The following STXBP5L variants were observed in gnomAD, a reference collection of about 807,000 sequenced individuals.
STXBP5L encodes the protein syntaxin binding protein 5L.
In STXBP5L, 65 loss-of-function variants were observed where a neutral mutation model predicts 144.5. The observed-to-expected ratio is 0.45, with a 90% CI of 0.37 to 0.55. The LOEUF (loss-of-function observed/expected upper bound fraction) is 0.55, where lower values mean the gene tolerates loss of function less well. STXBP5L is among the 20% of genes least tolerant of loss of function. STXBP5L has a pLI of 0.00. For missense variants in STXBP5L, 1,298 were observed against 1,405.5 expected (o/e 0.92, Z 1.22); for synonymous variants, 505 against 469.6 (o/e 1.08, Z -0.97).
chr3:120,980,290 A>G (rs1418108056), intron 3 of STXBP5L, among the ~76,000 whole-genome samples: 1 of 152,242 alleles, frequency 6.6e-6, no homozygotes, highest in South Asian at 2.1e-4. Context: ...TTCTGCCTCA[A>G]TGATCTGTTT....
At chr3:121,038,726 T>C (rs1036645373) in intron 3 of STXBP5L, among the ~76,000 whole-genome samples, 1 of 151,924 alleles carries the variant, frequency 6.6e-6, no homozygotes, top group African/African-American at 2.4e-5. Flanking sequence ...TTCATCTGTT[T>C]CTCTTTGTGG....
At chr3:120,973,877 C>T (rs916820181) in intron 3 of STXBP5L, among the ~76,000 whole-genome samples, 350 of 152,078 alleles carry the variant, frequency 2.3e-3, no homozygotes, top group Non-Finnish European at 3.7e-3. Context: ...TGAACTCATC[C>T]TTTTTATGGC....
intron 22 of STXBP5L, among the ~76,000 whole-genome samples, chr3:121,393,065 C>T (rs2046635410): frequency 6.6e-6 from 1 of 151,792 alleles, no homozygotes; most frequent in Non-Finnish European, 1.5e-5. Flanking sequence ...ATAAGCGTTC[C>T]CTTTTCTCTG....
chr3:121,000,585 G>A (rs909165713), intron 3 of STXBP5L, among the ~76,000 whole-genome samples: 1 of 152,058 alleles, frequency 6.6e-6, no homozygotes, highest in Non-Finnish European at 1.5e-5. Flanking sequence ...CATTGCCATT[G>A]CCATCCAGAT....
intron 3 of STXBP5L, among the ~76,000 whole-genome samples, chr3:120,980,459 G>T: frequency 9.4e-6 from 1 of 106,332 alleles, no homozygotes; most frequent in African/African-American, 3.8e-5. Flanking sequence ...ATAATGTCCT[G>T]CTTTTTTTTT....
At chr3:121,235,487 C>T (rs983232456) in intron 12 of STXBP5L, among the ~76,000 whole-genome samples, 4 of 152,060 alleles carry the variant, frequency 2.6e-5, no homozygotes, top group Non-Finnish European at 5.9e-5. Context: ...TGTACTAAAA[C>T]AATTTTTCTC....
intron 3 of STXBP5L, among the ~76,000 whole-genome samples, chr3:120,979,364 T>G (rs1471398205): frequency 2.0e-5 from 3 of 152,164 alleles, no homozygotes; most frequent in South Asian, 2.1e-4. Context: ...GTGTGGGATA[T>G]AATCTTCTGG....
intron 3 of STXBP5L, among the ~76,000 whole-genome samples, chr3:121,036,286 T>A (rs1364216337): frequency 6.6e-6 from 1 of 152,138 alleles, no homozygotes; most frequent in East Asian, 1.9e-4. Flanking sequence ...TGAGCTGATA[T>A]TGAGCCACTG....
At chr3:120,969,147 CA>C (rs1351438403) in intron 3 of STXBP5L, among the ~76,000 whole-genome samples, 2 of 152,044 alleles carry the variant, frequency 1.3e-5, no homozygotes, top group Non-Finnish European at 2.9e-5. Context: ...TACTAATTTA[CA>C]TTCCTATCAG....
intron 22 of STXBP5L, among the ~76,000 whole-genome samples, chr3:121,404,516 C>T (rs991605450): frequency 2.0e-5 from 3 of 152,100 alleles, no homozygotes; most frequent in Non-Finnish European, 2.9e-5. Context: ...TTCCATCTCA[C>T]GCCAAGTAAA....
At chr3:121,100,201 A>T (rs147770241) in intron 5 of STXBP5L, among the ~76,000 whole-genome samples, 93 of 152,244 alleles carry the variant, frequency 6.1e-4, no homozygotes, top group African/African-American at 2.2e-3. Context: ...GAGGCAGAAA[A>T]CTTAACAATG....
At chr3:121,025,015 G>T (rs912680512) in intron 3 of STXBP5L, among the ~76,000 whole-genome samples, 1 of 152,026 alleles carries the variant, frequency 6.6e-6, no homozygotes, top group African/African-American at 2.4e-5. Context: ...AAAACTAGGT[G>T]GCAAATATTC....
intron 3 of STXBP5L, among the ~76,000 whole-genome samples, chr3:121,016,657 C>A (rs1945166973): frequency 6.6e-6 from 1 of 152,096 alleles, no homozygotes; most frequent in Non-Finnish European, 1.5e-5. Flanking sequence ...TTTGGACTAC[C>A]AGAAGCAGAA....
At chr3:121,184,399 C>G (rs1475293449) in intron 9 of STXBP5L, among the ~76,000 whole-genome samples, 1 of 151,448 alleles carries the variant, frequency 6.6e-6, no homozygotes, top group Admixed American at 6.6e-5. Context: ...AAACACAGCA[C>G]AAGAACTTCA....
intron 7 of STXBP5L, among the ~76,000 whole-genome samples, chr3:121,138,462 CA>C (rs540227307): frequency 8.6e-4 from 131 of 151,934 alleles, no homozygotes; most frequent in Non-Finnish European, 1.5e-3. Flanking sequence ...CAGTCTTGAC[CA>C]AAAAGAACAA....
intron 20 of STXBP5L, among the ~76,000 whole-genome samples, chr3:121,359,531 C>T (rs942098397): frequency 6.6e-6 from 1 of 151,980 alleles, no homozygotes; most frequent in Admixed American, 6.6e-5. Flanking sequence ...TTGCCCAGAC[C>T]AATGTCCTAG....
intron 4 of STXBP5L, among the ~76,000 whole-genome samples, chr3:121,044,075 A>G (rs947949739): frequency 1.1e-4 from 16 of 152,188 alleles, no homozygotes; most frequent in African/African-American, 3.9e-4. Flanking sequence ...AAAAATTATC[A>G]AGGCTTATAT....
At chr3:121,010,061 G>A (rs931554915) in intron 3 of STXBP5L, among the ~76,000 whole-genome samples, 1 of 151,884 alleles carries the variant, frequency 6.6e-6, no homozygotes, top group African/African-American at 2.4e-5. Context: ...GGTTAAATTT[G>A]TAGGAATTTA....
intron 1 of STXBP5L, chr3:120,909,239 A>G (rs1708699704): frequency 8.2e-6 from 2 of 244,954 alleles, no homozygotes; most frequent in South Asian, 1.0e-4. Context: ...ATATAATGCT[A>G]ATGACGATGA....
Sources: allele counts gnomAD v4.1 joint callset (sites outside exome capture counted in the v4.1 genomes callset), GRCh38; gene constraint gnomAD v4.1.1; transcripts MANE v1.5; gene names NCBI Gene and HGNC (gene_info 2026-07-23, HGNC 2026-07-21).